WDR7: variants seen among roughly 807,000 people sequenced by gnomAD.
WDR7 encodes WD repeat domain 7, also known as WD repeat-containing protein 7.
A neutral mutation model predicts 169.4 loss-of-function variants in WDR7; 46 were observed. The ratio of observed to expected loss-of-function variants is 0.27; its 90% confidence interval spans 0.21 to 0.35. WDR7 has a LOEUF of 0.35. Among genes scored for constraint, WDR7 ranks in the 10% least tolerant of loss-of-function variants. The pLI is 1.00. For missense variants in WDR7, 1,534 were observed against 1,859.3 expected (o/e 0.83, Z 3.22); for synonymous variants, 612 against 666.8 (o/e 0.92, Z 1.27).
intron 6 of WDR7, among the ~76,000 whole-genome samples, chr18:56,686,629 T>C (rs2025449508): frequency 1.3e-5 from 2 of 152,160 alleles, no homozygotes; most frequent in African/African-American, 4.8e-5. Flanking sequence ...ACTCTGAGTA[T>C]CATCAGAATT....
rs1226856165 is a variant in WDR7, at chr18:56,779,153, G to A, written c.2948-278G>A. On this transcript the variant is annotated intron_variant, in intron 17 of 27. Coordinates refer to ENST00000254442, the MANE Select transcript of WDR7 (RefSeq NM_015285.3). ...TATTTTAGAGGGACTGTTAAGAAAT[G>A]TGTTTTTCTTGTGAATTTGGATATA... is the stretch of plus-strand genomic sequence containing the variant. Among the ~76,000 whole-genome samples, 3 of 152,224 alleles carry A rather than the reference G, an allele frequency of 2.0e-5. No homozygotes were observed. In the East Asian group the frequency reaches 5.8e-4, roughly 29 times the overall value.
chr18:56,959,328 C>A (rs996985696), intron 25 of WDR7, among the ~76,000 whole-genome samples: 1 of 152,102 alleles, frequency 6.6e-6, no homozygotes, highest in South Asian at 2.1e-4. Flanking sequence ...TGACTGCATG[C>A]GGACAATGAT....
At chr18:56,758,075 C>T (rs765183642) in intron 15 of WDR7, among the ~76,000 whole-genome samples, 6 of 152,086 alleles carry the variant, frequency 3.9e-5, no homozygotes, top group Non-Finnish European at 8.8e-5. Flanking sequence ...GAAGTATAGT[C>T]AGAATTTTTC....
chr18:56,939,419 G>T, intron 25 of WDR7, 26 bp downstream of exon 25: 17 of 1,494,466 alleles, frequency 1.1e-5, no homozygotes, highest in South Asian at 1.4e-5. Context: ...AGAGCATGCA[G>T]AATAAATAAT....
intron 26 of WDR7, among the ~76,000 whole-genome samples, chr18:57,009,584 T>C (rs2048110317): frequency 6.6e-6 from 1 of 152,196 alleles, no homozygotes; most frequent in African/African-American, 2.4e-5. Context: ...CATAAAAGTG[T>C]AAAATTTCTA....
intron 21 of WDR7, among the ~76,000 whole-genome samples, chr18:56,882,205 A>G (rs2046118738): frequency 6.6e-6 from 1 of 152,226 alleles, no homozygotes; most frequent in African/African-American, 2.4e-5. Context: ...GGGCTCTTTA[A>G]TTAGTCTAGC....
At chr18:56,870,724 G>A (rs1178746170) in intron 20 of WDR7, among the ~76,000 whole-genome samples, 2 of 152,162 alleles carry the variant, frequency 1.3e-5, no homozygotes, top group African/African-American at 4.8e-5. Context: ...CTGGGCTGAA[G>A]CAATCTTCCT....
intron 20 of WDR7, among the ~76,000 whole-genome samples, chr18:56,839,294 C>G (rs907594495): frequency 6.6e-6 from 1 of 151,960 alleles, no homozygotes; most frequent in African/African-American, 2.4e-5. Context: ...TAATGGACGC[C>G]CATTTACTAG....
intron 21 of WDR7, among the ~76,000 whole-genome samples, chr18:56,905,534 A>G (rs894334345): frequency 3.3e-5 from 5 of 152,078 alleles, no homozygotes; most frequent in Admixed American, 6.5e-5. Context: ...AAGAGTTACA[A>G]ATGTACCCTG....
intron 20 of WDR7, among the ~76,000 whole-genome samples, chr18:56,863,818 G>A (rs1356241497): frequency 6.6e-6 from 1 of 151,606 alleles, no homozygotes; most frequent in Non-Finnish European, 1.5e-5. Flanking sequence ...TTTGTTTTTA[G>A]TTAGCTGTTT....
At position 56,924,035 on chromosome 18, in the gene WDR7, C is replaced by T. The variant is rs1486442583; in HGVS notation, c.3640C>T (p.Pro1214Ser). ...LIGRGFTVWE[P>S]YMDVSAVLMG... ...TGGACGTGGGTTCACTGTTTGGGAG[C>T]CTTACATGGATGTGTCCGCTGTTCT... The change falls in exon 22 of 28, where the codon CCT becomes TCT. Residue 1214 changes from proline (P) to serine (S), a missense_variant. Pro to Ser is a moderately conservative substitution (Grantham distance 74). Coordinates refer to ENST00000254442, the MANE Select transcript of WDR7 (RefSeq NM_015285.3). The T allele has an allele frequency of 5.0e-6, 8 of 1,612,788 alleles. No homozygotes were observed. Among genetic ancestry groups the T allele is most frequent in the Non-Finnish European group, 5.9e-6 (7 of 1,179,590 alleles).
At chr18:56,750,648 G>GAT (rs1285345156) in intron 14 of WDR7, among the ~76,000 whole-genome samples, 5 of 152,184 alleles carry the variant, frequency 3.3e-5, no homozygotes, top group African/African-American at 9.7e-5. Context: ...TTCTGGATCC[G>GAT]ATAGTCCGTA....
At chr18:56,663,364 T>C (rs906665508) in intron 1 of WDR7, among the ~76,000 whole-genome samples, 5 of 152,170 alleles carry the variant, frequency 3.3e-5, no homozygotes, top group Non-Finnish European at 1.5e-5. Flanking sequence ...TTGTAGATTA[T>C]TGAAGTGATT....
intron 26 of WDR7, among the ~76,000 whole-genome samples, chr18:56,969,591 A>G (rs2047455488): frequency 6.6e-6 from 1 of 152,244 alleles, no homozygotes; most frequent in African/African-American, 2.4e-5. Flanking sequence ...CAGTTACTCT[A>G]TACTAATAGG....
intron 20 of WDR7, among the ~76,000 whole-genome samples, chr18:56,876,156 A>G (rs1017655554): frequency 1.3e-5 from 2 of 152,162 alleles, no homozygotes; most frequent in African/African-American, 4.8e-5. Flanking sequence ...AAACAAATAG[A>G]TAAAATAAAA....
At chr18:56,938,075 G>T (rs1014231236) in intron 23 of WDR7, among the ~76,000 whole-genome samples, 1 of 152,124 alleles carries the variant, frequency 6.6e-6, no homozygotes, top group Non-Finnish European at 1.5e-5. Flanking sequence ...AAGTGGAGGG[G>T]ATTAGTCTTG....
At chr18:56,820,720 C>G (rs981349182) in intron 20 of WDR7, among the ~76,000 whole-genome samples, 2 of 152,040 alleles carry the variant, frequency 1.3e-5, no homozygotes, top group African/African-American at 4.8e-5. Context: ...TTTTAAGTTT[C>G]TGAGAAGATG....
intron 26 of WDR7, among the ~76,000 whole-genome samples, chr18:57,007,908 T>C (rs1370103005): frequency 6.6e-6 from 1 of 152,194 alleles, no homozygotes; most frequent in Admixed American, 6.5e-5. Context: ...GAGAAGCTGC[T>C]GTGTACCAGG....
At chr18:56,787,552 G>A (rs908165386) in intron 19 of WDR7, among the ~76,000 whole-genome samples, 15 of 152,060 alleles carry the variant, frequency 9.9e-5, no homozygotes, top group Admixed American at 9.8e-4. Flanking sequence ...TGTTCTTATC[G>A]AGTCCCTGCC....
Sources: gnomAD v4.1 joint callset for allele counts (sites outside exome capture counted in the v4.1 genomes callset) on GRCh38, gnomAD v4.1.1 for gene constraint, MANE v1.5 for transcripts, NCBI Gene and HGNC (gene_info 2026-07-23, HGNC 2026-07-21) for gene names.